EEA1: variants seen among roughly 807,000 people sequenced by gnomAD.
The protein encoded by EEA1 is early endosome antigen 1.
EEA1 carries 111 observed loss-of-function variants against 209.2 expected under a neutral mutation model. That is an observed-to-expected ratio of 0.53 (90% confidence interval 0.45 to 0.62). The LOEUF is 0.62. EEA1 is among the 20% of genes least tolerant of loss of function. The pLI, the probability that EEA1 is intolerant of heterozygous loss-of-function variation, is 0.00. For missense variants in EEA1, 1,343 were observed against 1,530.8 expected (o/e 0.88, Z 2.05); for synonymous variants, 536 against 540.6 (o/e 0.99, Z 0.12).
At chr12:92,897,038 G>A (rs1195428214) in intron 1 of EEA1, among the ~76,000 whole-genome samples, 3 of 152,088 alleles carry the variant, frequency 2.0e-5, no homozygotes, top group African/African-American at 7.2e-5. Flanking sequence ...TCAGCAAGGC[G>A]TGGTGGCGTT....
At chr12:92,798,788 T>C (rs1476288555) in intron 21 of EEA1, 104 bp downstream of exon 21, 16 of 858,336 alleles carry the variant, frequency 1.9e-5, no homozygotes, top group South Asian at 2.8e-5. Flanking sequence ...TTAGCTTATG[T>C]AAACTTTTCA....
chr12:92,782,017 T>C lies in EEA1; in HGVS notation c.3269A>G (p.Asp1090Gly). Residue 1090 changes from aspartate (D) to glycine (G), a missense_variant, in exon 23 of 29, where the codon GAT (aspartate) becomes GGT (glycine). By Grantham distance (94) the Asp-to-Gly change is moderately conservative. Around this residue, in one of 3 missense-constraint regions of EEA1, gnomAD observed 1,307 missense variants for 1,465.5 expected, o/e 0.89. Coordinates refer to ENST00000322349, the MANE Select transcript of EEA1 (RefSeq NM_003566.4). ...LKTAKATLEQDSAKKEQQLQE... is the reference protein window; with the variant it reads ...LKTAKATLEQGSAKKEQQLQE... ...CAATTGCTGTTCTTTCTTTGCTGAA[T>C]CCTGCTCCAATGTAGCCTTGGCAGT... The C allele has an allele frequency of 6.2e-7, 1 of 1,613,386 alleles. No individual in the cohort carries two copies. Among genetic ancestry groups the C allele is most frequent in the Non-Finnish European group, 8.5e-7 (1 of 1,179,524 alleles).
chr12:92,824,592 C>T (rs1876206724), intron 13 of EEA1, among the ~76,000 whole-genome samples: 1 of 152,186 alleles, frequency 6.6e-6, no homozygotes, highest in Non-Finnish European at 1.5e-5. Flanking sequence ...GCTCCTGCCT[C>T]TGGACCATTT....
chr12:92,862,136 G>C (rs150680300), intron 3 of EEA1, among the ~76,000 whole-genome samples: 1 of 152,330 alleles, frequency 6.6e-6, no homozygotes, highest in Non-Finnish European at 1.5e-5. Flanking sequence ...GTCATCCACA[G>C]TGTTATAGTG....
At chr12:92,782,862 C>A (rs745460201) in intron 22 of EEA1, among the ~76,000 whole-genome samples, 1 of 152,066 alleles carries the variant, frequency 6.6e-6, no homozygotes, top group Non-Finnish European at 1.5e-5. Flanking sequence ...TGCCTCATAC[C>A]CTGGGTGAAA....
intron 3 of EEA1, among the ~76,000 whole-genome samples, chr12:92,864,441 A>T (rs1331731938): frequency 6.6e-6 from 1 of 152,164 alleles, no homozygotes; most frequent in Non-Finnish European, 1.5e-5. Context: ...ATGTGTACGT[A>T]TGCTTATTGC....
chr12:92,849,350 C>T (rs1281311645), intron 9 of EEA1, among the ~76,000 whole-genome samples: 1 of 152,028 alleles, frequency 6.6e-6, no homozygotes, highest in African/African-American at 2.4e-5. Context: ...ACTGGGTTCA[C>T]CCTGGTTTAG....
chr12:92,770,783 G>A lies in EEA1; in HGVS notation c.*5228C>T, dbSNP rs539394881. ...CATCTCAGGTATATAGTACTCTAAC[G>A]TGGAAGTAGAAAATCCCAAAGACTA... On this transcript the variant is annotated 3_prime_UTR_variant, in exon 29 of 29. Coordinates refer to ENST00000322349, the MANE Select transcript of EEA1 (RefSeq NM_003566.4). 10 of 152,042 alleles carry A rather than the reference G, an allele frequency of 6.6e-5. No homozygotes were observed. Among genetic ancestry groups the A allele is most frequent in the African/African-American group, 1.9e-4 (8 of 41,478 alleles). The allele number at this position is 152,042 out of a possible 1,614,324, so 9.4% of individuals were successfully genotyped here. A position where few individuals can be genotyped will look rare whatever the true frequency, so the allele number is the denominator to read the frequency against.
chr12:92,879,633 C>A (rs763154458), intron 2 of EEA1, among the ~76,000 whole-genome samples: 47 of 152,030 alleles, frequency 3.1e-4, no homozygotes, highest in Non-Finnish European at 4.9e-4. Flanking sequence ...CAGAAAAAAA[C>A]CCATGGCTAC....
chr12:92,809,275 T>C (rs1274859446), intron 17 of EEA1, 119 bp from the exon 18 acceptor site: 1 of 672,264 alleles, frequency 1.5e-6, no homozygotes, highest in Non-Finnish European at 2.2e-6. Flanking sequence ...AAAAATTTAT[T>C]ATAATAAAAA....
intron 10 of EEA1, among the ~76,000 whole-genome samples, chr12:92,840,649 C>T (rs924923249): frequency 2.0e-5 from 3 of 152,180 alleles, no homozygotes; most frequent in Admixed American, 6.5e-5. Context: ...ACAGAAAATA[C>T]TAACATTTAA....
intron 1 of EEA1, among the ~76,000 whole-genome samples, chr12:92,925,181 C>CAAAAAAAA (rs796274410): frequency 8.3e-6 from 1 of 119,856 alleles, no homozygotes; most frequent in Non-Finnish European, 1.8e-5. Context: ...AAAGATGTCT[C>CAAAAAAAA]AAAAAAAAAA....
At chr12:92,814,346 G>T (rs1045903576) in intron 15 of EEA1, among the ~76,000 whole-genome samples, 13 of 152,146 alleles carry the variant, frequency 8.5e-5, no homozygotes, top group Admixed American at 8.5e-4. Context: ...CTATACTGAT[G>T]AATATATAGC....
In EEA1 at chr12:92,788,063, T is replaced by G. The variant is rs149040780; in HGVS notation, c.2968-14A>C. On this transcript the variant is annotated splice_polypyrimidine_tract_variant and intron_variant, in intron 21 of 28. Transcript: ENST00000322349. ...CTCAAGCTCTGTCTGAAACATACAA[T>G]AGTTATTTAAAACAGTATGCATTCC... is the stretch of plus-strand genomic sequence containing the variant. 6.5e-7 allele frequency: 1 copy of G among 1,549,240 alleles called. No homozygotes were observed. The highest frequency in any genetic ancestry group is 8.7e-7 in the Non-Finnish European group (1 of 1,152,864).
Position 92,842,567 on chromosome 12 carries a change from C to G in EEA1, c.813G>C (p.Gln271His). ...GGCCTTTGGCAAGTTCACTCCTTAG[C>G]TGGCTTATTGTGGCCTAACAAAACA... ...QYASSEATIS[Q>H]LRSELAKGPQ... The change falls in exon 10 of 29, where the codon CAG becomes CAC. Residue 271 changes from glutamine (Q) to histidine (H), a missense_variant. Gln to His is a conservative substitution (Grantham distance 24, BLOSUM62 0). Around this residue, in one of 3 missense-constraint regions of EEA1, gnomAD observed 1,307 missense variants for 1,465.5 expected, o/e 0.89. Transcript: ENST00000322349. 2 of 1,598,882 alleles carry G rather than the reference C, an allele frequency of 1.3e-6. No homozygotes were observed. Among genetic ancestry groups the G allele is most frequent in the South Asian group, 1.1e-5 (1 of 87,988 alleles).
chr12:92,894,427 A>C (rs912171594), intron 1 of EEA1, among the ~76,000 whole-genome samples: 2 of 152,256 alleles, frequency 1.3e-5, no homozygotes, highest in African/African-American at 2.4e-5. Context: ...AAGCTGAAAC[A>C]GACTAAAAGC....
chr12:92,925,599 C>T (rs1881181851), intron 1 of EEA1, among the ~76,000 whole-genome samples: 1 of 152,176 alleles, frequency 6.6e-6, no homozygotes, highest in Non-Finnish European at 1.5e-5. Context: ...AATTTCTAAC[C>T]ATCAAGTACT....
chr12:92,810,650 T>TA (rs1285023661), intron 17 of EEA1, among the ~76,000 whole-genome samples: 1 of 151,650 alleles, frequency 6.6e-6, no homozygotes, highest in Non-Finnish European at 1.5e-5. Context: ...GCTCAATTTT[T>TA]AAAAATTTTT....
chr12:92,782,454 T>C (rs984872772), intron 22 of EEA1, among the ~76,000 whole-genome samples: 5 of 152,158 alleles, frequency 3.3e-5, no homozygotes, highest in Non-Finnish European at 7.4e-5. Context: ...TATGAAAGAA[T>C]ACCAAATAAG....
Sources: allele counts gnomAD v4.1 joint callset (sites outside exome capture counted in the v4.1 genomes callset), GRCh38; gene constraint gnomAD v4.1.1; regional missense constraint gnomAD v4.1.1; transcripts MANE v1.5; gene names NCBI Gene and HGNC (gene_info 2026-07-23, HGNC 2026-07-21).